Variants in GRIK3 observed in about 807,000 individuals in gnomAD.
The protein encoded by GRIK3 is glutamate ionotropic receptor kainate type subunit 3.
GRIK3 carries 29 observed loss-of-function variants against 102.5 expected under a neutral mutation model. The ratio of observed to expected loss-of-function variants is 0.28; its 90% CI spans 0.21 to 0.39. The LOEUF is 0.39. Among genes scored for constraint, GRIK3 ranks in the 10% least tolerant of loss-of-function variants. The pLI is 1.00. For synonymous variants in GRIK3, 511 were observed against 504.9 expected (o/e 1.01, Z -0.16); for missense variants, 908 against 1,252.4 (o/e 0.73, Z 4.15).
intron 1 of GRIK3, among the ~76,000 whole-genome samples, chr1:37,030,554 C>T (rs532897952): frequency 3.7e-5 from 5 of 136,922 alleles, no homozygotes; most frequent in Non-Finnish European, 6.2e-5. Flanking sequence ...CCCCTCCCCC[C>T]CCCCAACACC....
intron 1 of GRIK3, among the ~76,000 whole-genome samples, chr1:36,933,860 C>A (rs1641623927): frequency 1.3e-5 from 2 of 152,314 alleles, no homozygotes; most frequent in South Asian, 4.1e-4. Context: ...TCACTGCCCT[C>A]TCTTCGACCT....
chr1:36,851,701 G>A (rs973490511), intron 8 of GRIK3, among the ~76,000 whole-genome samples: 5 of 152,264 alleles, frequency 3.3e-5, no homozygotes, highest in African/African-American at 1.2e-4. Context: ...GGGTGGCTGT[G>A]ACCCGGTGCC....
intron 1 of GRIK3, among the ~76,000 whole-genome samples, chr1:36,987,124 C>T (rs1406339076): frequency 6.6e-6 from 1 of 152,256 alleles, no homozygotes; most frequent in African/African-American, 2.4e-5. Context: ...GCAATGAACA[C>T]ACCATGTCCA....
intron 1 of GRIK3, among the ~76,000 whole-genome samples, chr1:37,017,875 G>C (rs1351210724): frequency 6.6e-6 from 1 of 152,150 alleles, no homozygotes; most frequent in Non-Finnish European, 1.5e-5. Flanking sequence ...CCCTTCAACT[G>C]GACCTCCACA....
Sources: allele counts gnomAD v4.1 joint callset (sites outside exome capture counted in the v4.1 genomes callset), GRCh38; gene constraint gnomAD v4.1.1; transcripts MANE v1.5; gene names NCBI Gene and HGNC (gene_info 2026-07-23, HGNC 2026-07-21).